The following PIEZO2 variants were observed in gnomAD, a reference collection of about 807,000 sequenced individuals.
PIEZO2 encodes piezo-type mechanosensitive ion channel component 2.
Under a neutral mutation model 337.3 loss-of-function variants are expected in PIEZO2, and 172 were observed. That is an observed-to-expected ratio of 0.51 (90% CI 0.45 to 0.58). The LOEUF is 0.58. Among genes scored for constraint, PIEZO2 ranks in the 20% least tolerant of loss-of-function variants. The pLI is 0.00. For synonymous variants in PIEZO2, 1,251 were observed against 1,228.5 expected (o/e 1.02, Z -0.38); for missense variants, 3,028 against 3,391.3 (o/e 0.89, Z 2.66).
intron 7 of PIEZO2, among the ~76,000 whole-genome samples, chr18:10,835,054 C>A (rs1046954784): frequency 1.3e-5 from 2 of 152,204 alleles, no homozygotes; most frequent in Non-Finnish European, 1.5e-5. Context: ...TCTTTCACCC[C>A]TCCATCATGT....
At chr18:10,774,460 T>A (rs60973712) in intron 18 of PIEZO2, among the ~76,000 whole-genome samples, 1 of 118,480 alleles carries the variant, frequency 8.4e-6, no homozygotes, top group Non-Finnish European at 1.7e-5. Context: ...GCATGTGCCA[T>A]GGAAGCTAAG....
intron 3 of PIEZO2, among the ~76,000 whole-genome samples, chr18:10,914,350 T>G (rs910761007): frequency 1.3e-5 from 2 of 151,968 alleles, no homozygotes; most frequent in Non-Finnish European, 2.9e-5. Flanking sequence ...TGTCCAGTCA[T>G]CTCTCAGTAT....
At chr18:10,841,821 TA>T (rs1007814289) in intron 7 of PIEZO2, among the ~76,000 whole-genome samples, 27 of 152,200 alleles carry the variant, frequency 1.8e-4, no homozygotes, top group Non-Finnish European at 3.5e-4. Context: ...TAACTCCACT[TA>T]TTTTTTTTAC....
intron 5 of PIEZO2, among the ~76,000 whole-genome samples, chr18:10,867,132 G>C (rs980074986): frequency 6.6e-6 from 1 of 152,182 alleles, no homozygotes; most frequent in Non-Finnish European, 1.5e-5. Flanking sequence ...TTACCATTCT[G>C]AATGGTTCCA....
At position 10,953,303 on chromosome 18, in the gene PIEZO2, G is replaced by A. The variant is rs879796624; in HGVS notation, c.286+26232C>T. The stretch of plus-strand genomic sequence containing the variant: ...GTTGTGATTTTGATGTTGTATTTAA[G>A]AAAACTTTGCCCTTCCCTAACCCAA... On this transcript the variant is annotated intron_variant, in intron 3 of 55. Transcript: ENST00000674853. The surrounding 1 kb of genome is among the most constrained non-coding windows in gnomAD (Gnocchi z 5.2). Among the ~76,000 whole-genome samples, 16 of 152,058 alleles carry A rather than the reference G, an allele frequency of 1.1e-4. No homozygotes were observed. The highest frequency in any genetic ancestry group is 1.8e-4 in the Non-Finnish European group (12 of 68,014).
At chr18:10,785,291 T>C (rs1360151781) in intron 16 of PIEZO2, among the ~76,000 whole-genome samples, 1 of 152,300 alleles carries the variant, frequency 6.6e-6, no homozygotes, top group East Asian at 1.9e-4. Flanking sequence ...CCCTTTTCTA[T>C]TGGACCTCTA....
intron 2 of PIEZO2, among the ~76,000 whole-genome samples, chr18:11,043,257 A>G (rs932702425): frequency 1.3e-5 from 2 of 152,056 alleles, no homozygotes; most frequent in African/African-American, 4.8e-5. Flanking sequence ...ACACACACAC[A>G]CACACACACA....
chr18:10,741,551 G>T (rs1598422094), intron 32 of PIEZO2, among the ~76,000 whole-genome samples: 1 of 152,042 alleles, frequency 6.6e-6, no homozygotes, highest in Non-Finnish European at 1.5e-5. Context: ...AAATTTCCTG[G>T]TCATGAATAG....
In PIEZO2 at chr18:10,726,939, A is replaced by T; in HGVS notation, c.5029+4468T>A. 6.6e-7 allele frequency: 1 copy of T among 1,515,266 alleles called. No homozygotes were observed. Among genetic ancestry groups the T allele is most frequent in the Non-Finnish European group, 9.0e-7 (1 of 1,116,716 alleles). The allele number at this position is 1,515,266 out of a possible 1,614,324, so 93.9% of individuals were successfully genotyped here. A position where few individuals can be genotyped will look rare whatever the true frequency, so the allele number is the denominator to read the frequency against. On this transcript the variant is annotated intron_variant, in intron 36 of 55. Transcript: ENST00000674853. This position sits in a 1 kb window ranked among gnomAD's most constrained non-coding sequence, Gnocchi z 5.9. ...AGCTGGGTCGCCTGCTGCCCGACTG[A>T]TGTAGGTTGAGGGCTGCAGACAGAG...
Position 10,762,501 on chromosome 18 carries a change from C to T in PIEZO2, c.3248G>A (p.Arg1083Lys), listed in dbSNP as rs1232600322. The change falls in exon 23 of 56, where the codon AGG (arginine) becomes AAG (lysine). Residue 1083 changes from arginine (R) to lysine (K), a missense_variant and splice_region_variant. Physicochemically the swap from Arg to Lys is conservative, Grantham distance 26 (BLOSUM62 2). Around this residue, in one of 5 missense-constraint regions of PIEZO2, gnomAD observed 1,925 missense variants for 2,051.9 expected, o/e 0.94. Transcript: ENST00000674853. Reference protein sequence around the residue: ...RKSSPLLVYLRNNLLMLAILA... With the variant: ...RKSSPLLVYLKNNLLMLAILA... ...AACTAAGCACGACAAAGCCATTACCCTCAGGTAGACTAGCAGAGGCGAAGA... is the reference window on the plus strand; with the variant it reads ...AACTAAGCACGACAAAGCCATTACCTTCAGGTAGACTAGCAGAGGCGAAGA... 3 of 1,537,154 alleles carry T rather than the reference C, an allele frequency of 2.0e-6. No individual in the cohort carries two copies. Among genetic ancestry groups the T allele is most frequent in the Non-Finnish European group, 2.6e-6 (3 of 1,146,898 alleles).
In PIEZO2 at chr18:10,784,999, G is replaced by C; in HGVS notation, c.2319-42C>G. 6.7e-7 allele frequency: 1 copy of C among 1,503,058 alleles called. No individual in the cohort carries two copies. The highest frequency in any genetic ancestry group is 8.9e-7 in the Non-Finnish European group (1 of 1,129,854). 93.1% of individuals were successfully genotyped at this position (1,503,058 alleles called of 1,614,324 possible). Reference sequence around the variant, plus strand: ...AATAAAAAGCAGGAACCTCTCTTACGCAATGAAGTCACAAACTCTTTGTGA... The same window carrying C: ...AATAAAAAGCAGGAACCTCTCTTACCCAATGAAGTCACAAACTCTTTGTGA... On this transcript the variant is annotated intron_variant, in intron 16 of 55. Transcript: ENST00000674853. This position sits in a 1 kb window ranked among gnomAD's most constrained non-coding sequence, Gnocchi z 4.5.
chr18:11,063,824 G>A (rs974873483), intron 2 of PIEZO2, among the ~76,000 whole-genome samples: 5 of 152,132 alleles, frequency 3.3e-5, no homozygotes, highest in African/African-American at 1.2e-4. Flanking sequence ...ACACACACTG[G>A]AAAGTCTGAG....
intron 2 of PIEZO2, among the ~76,000 whole-genome samples, chr18:10,998,410 C>A (rs2035409446): frequency 6.6e-6 from 1 of 151,718 alleles, no homozygotes; most frequent in Admixed American, 6.6e-5. Context: ...CCAGTTAATT[C>A]ATGGAATTTC....
At position 11,021,466 on chromosome 18, in the gene PIEZO2, A is replaced by G. The variant is rs2036307185; in HGVS notation, c.161-41806T>C. ...TCCTCCCCACTGCAAGGGCTCCATG[A>G]ATGCTTTCTTGGTGGTAAGGATGCA... On this transcript the variant is annotated intron_variant, in intron 2 of 55. Transcript: ENST00000674853. This position sits in a 1 kb window ranked among gnomAD's most constrained non-coding sequence, Gnocchi z 4.7. Among the ~76,000 whole-genome samples the G allele has an allele frequency of 6.6e-6, 1 of 152,096 alleles. No individual in the cohort carries two copies. Among genetic ancestry groups the G allele is most frequent in the Admixed American group, 6.5e-5 (1 of 15,278 alleles).
At chr18:10,674,624 G>C (rs1382923001) in intron 54 of PIEZO2, among the ~76,000 whole-genome samples, 1 of 152,230 alleles carries the variant, frequency 6.6e-6, no homozygotes, top group Non-Finnish European at 1.5e-5. Flanking sequence ...GTTGGAGAAT[G>C]AATTAATGTG....
intron 2 of PIEZO2, among the ~76,000 whole-genome samples, chr18:11,050,219 T>TA (rs1166346308): frequency 6.6e-6 from 1 of 152,186 alleles, no homozygotes; most frequent in Non-Finnish European, 1.5e-5. Flanking sequence ...ATATTGATAA[T>TA]AAAACACCTA....
chr18:10,976,920 G>A (rs2034460943), intron 3 of PIEZO2, among the ~76,000 whole-genome samples: 1 of 151,780 alleles, frequency 6.6e-6, no homozygotes, highest in Admixed American at 6.6e-5. Flanking sequence ...CCTTCTTCAT[G>A]GTACTAGTAG....
intron 4 of PIEZO2, among the ~76,000 whole-genome samples, chr18:10,890,954 T>C (rs1010784778): frequency 5.3e-5 from 8 of 152,198 alleles, no homozygotes; most frequent in African/African-American, 1.9e-4. Flanking sequence ...ATAAAAAATA[T>C]ATCGAATCTC....
At chr18:10,774,532 C>T (rs1443531936) in intron 18 of PIEZO2, among the ~76,000 whole-genome samples, 1 of 152,074 alleles carries the variant, frequency 6.6e-6, no homozygotes, top group Non-Finnish European at 1.5e-5. Flanking sequence ...TGCGAACTGT[C>T]GATTGGCAAC....
Sources: gnomAD v4.1 joint callset for allele counts (sites outside exome capture counted in the v4.1 genomes callset) on GRCh38, gnomAD v4.1.1 for gene constraint, gnomAD v4.1.1 regional missense constraint, Gnocchi (gnomAD v3.1) non-coding constraint, MANE v1.5 for transcripts, NCBI Gene and HGNC (gene_info 2026-07-23, HGNC 2026-07-21) for gene names.